PHACTR3: variants seen among roughly 807,000 people sequenced by gnomAD.
PHACTR3 encodes the protein phosphatase and actin regulator 3.
In PHACTR3, 16 loss-of-function variants were observed where a neutral mutation model predicts 66.8. The ratio of observed to expected loss-of-function variants is 0.24; its 90% CI spans 0.16 to 0.36. The LOEUF (loss-of-function observed/expected upper bound fraction) is 0.36. PHACTR3 is among the 10% of genes least tolerant of loss of function. The pLI, the probability that PHACTR3 is intolerant of heterozygous loss-of-function variation, is 1.00. For synonymous variants in PHACTR3, 323 were observed against 292.1 expected (o/e 1.11, Z -1.08); for missense variants, 647 against 719.9 (o/e 0.90, Z 1.16).
rs752672939 is a variant in PHACTR3 at position 59,774,505 on chromosome 20, G to T, written c.1174+15G>T. Reference sequence around the variant, plus strand: ...CATTATTTCTGGTGAGGAAAGGATGGCCCATTAAGTGTGGGGATCTCGGCC... The same window carrying T: ...CATTATTTCTGGTGAGGAAAGGATGTCCCATTAAGTGTGGGGATCTCGGCC... On this transcript the variant is annotated intron_variant, in intron 7 of 12. Transcript: ENST00000371015. 1.8e-5 allele frequency: 29 copies of T among 1,610,736 alleles called. No homozygotes were observed. Among genetic ancestry groups the T allele is most frequent in the African/African-American group, 2.7e-5 (2 of 74,744 alleles).
At chr20:59,695,943 G>A (rs2037281117) in intron 1 of PHACTR3, among the ~76,000 whole-genome samples, 1 of 152,044 alleles carries the variant, frequency 6.6e-6, no homozygotes, top group Admixed American at 6.6e-5. Context: ...ATGTTGGCCA[G>A]GCTGGTCTCA....
chr20:59,805,376 G>A (rs914235193), intron 7 of PHACTR3, among the ~76,000 whole-genome samples: 1 of 152,182 alleles, frequency 6.6e-6, no homozygotes, highest in African/African-American at 2.4e-5. Flanking sequence ...ATGGGCGGGT[G>A]GGGGAAAGGC....
At chr20:59,648,199 G>A (rs1201131756) in intron 1 of PHACTR3, among the ~76,000 whole-genome samples, 1 of 152,208 alleles carries the variant, frequency 6.6e-6, no homozygotes, top group African/African-American at 2.4e-5. Flanking sequence ...GTTCACCATT[G>A]CTTCTCGTCC....
At chr20:59,697,160 G>A (rs1331295689) in intron 1 of PHACTR3, among the ~76,000 whole-genome samples, 2 of 152,152 alleles carry the variant, frequency 1.3e-5, no homozygotes, top group Non-Finnish European at 2.9e-5. Context: ...GGCTCAGAAG[G>A]CTCAGAAGGT....
At chr20:59,746,302 G>C (rs1199343189) in intron 2 of PHACTR3, among the ~76,000 whole-genome samples, 1 of 152,202 alleles carries the variant, frequency 6.6e-6, no homozygotes, top group Non-Finnish European at 1.5e-5. Flanking sequence ...CCCCGCCCCA[G>C]GCCTGACTTA....
intron 7 of PHACTR3, among the ~76,000 whole-genome samples, chr20:59,791,836 A>G (rs1270391580): frequency 6.8e-6 from 1 of 147,826 alleles, no homozygotes; most frequent in Non-Finnish European, 1.5e-5. Context: ...TTATTTTTGC[A>G]AACAGGTGGT....
intron 1 of PHACTR3, among the ~76,000 whole-genome samples, chr20:59,696,074 C>T (rs571933561): frequency 8.5e-5 from 13 of 152,186 alleles, no homozygotes; most frequent in Non-Finnish European, 1.5e-4. Flanking sequence ...AGTTAATATC[C>T]TTAGCCCAGT....
rs2038785409 is a variant in PHACTR3, at chr20:59,732,100, C to CTA, written c.119-11004_119-11003dup. On this transcript the variant is annotated intron_variant, in intron 1 of 12. Transcript: ENST00000371015. ...TTCTTCCTGCAGAACTTCTCAGAGC[C>CTA]TATACTATGCTAATATGCACTGGGG... 2.6e-5 allele frequency among the ~76,000 whole-genome samples: 4 copies of CTA among 152,264 alleles called. No individual in the cohort carries two copies. In the South Asian group the frequency reaches 8.3e-4, roughly 32 times the overall value.
intron 1 of PHACTR3, among the ~76,000 whole-genome samples, chr20:59,592,738 A>T (rs1364822097): frequency 6.6e-6 from 1 of 152,224 alleles, no homozygotes; most frequent in Non-Finnish European, 1.5e-5. Flanking sequence ...GTAGAGTTGG[A>T]ATCACACAGT....
intron 7 of PHACTR3, among the ~76,000 whole-genome samples, chr20:59,805,509 G>A (rs1272624846): frequency 6.6e-6 from 1 of 152,198 alleles, no homozygotes; most frequent in Admixed American, 6.5e-5. Flanking sequence ...CTGAGGACCT[G>A]GGTCCAACCC....
At chr20:59,834,780 T>C (rs372885344) in intron 8 of PHACTR3, among the ~76,000 whole-genome samples, 4 of 152,342 alleles carry the variant, frequency 2.6e-5, no homozygotes, top group Admixed American at 6.5e-5. Flanking sequence ...CTCCACGGCA[T>C]TGACCACTCT....
At position 59,747,123 on chromosome 20, in the gene PHACTR3, C is replaced by G. The variant is rs552135274; in HGVS notation, c.281-635C>G. On this transcript the variant is annotated intron_variant, in intron 2 of 12. Transcript: ENST00000371015. ...GGCCGTCGCTCAAGAGTGTTTTGCT[C>G]CGGGAAGGGGAGGCAGAAAGGGCTA... is the stretch of plus-strand genomic sequence containing the variant. Among the ~76,000 whole-genome samples the G allele has an allele frequency of 1.7e-4, 26 of 152,252 alleles. No individual in the cohort carries two copies. In the South Asian group the frequency reaches 5.4e-3, roughly 32 times the overall value.
intron 1 of PHACTR3, among the ~76,000 whole-genome samples, chr20:59,580,766 C>T (rs1440890135): frequency 6.6e-6 from 1 of 152,190 alleles, no homozygotes; most frequent in African/African-American, 2.4e-5. Context: ...TCTGAAGACC[C>T]AGATTGGGTC....
At chr20:59,811,253 G>A (rs2041728219) in intron 8 of PHACTR3, among the ~76,000 whole-genome samples, 2 of 152,340 alleles carry the variant, frequency 1.3e-5, no homozygotes, top group African/African-American at 4.8e-5. Context: ...GTTTATCTTA[G>A]GCATGGCTTT....
chr20:59,584,517 GAGTGTGTGCATGCACA>G (rs1347365197), intron 1 of PHACTR3, among the ~76,000 whole-genome samples: 3 of 152,110 alleles, frequency 2.0e-5, no homozygotes, highest in African/African-American at 2.4e-5. Context: ...TTACATGCAT[GAGTGTGTGCATGCACA>G]AGTGTGTGCA....
intron 1 of PHACTR3, among the ~76,000 whole-genome samples, chr20:59,665,298 A>G (rs2035946595): frequency 6.6e-6 from 1 of 152,172 alleles, no homozygotes; most frequent in Non-Finnish European, 1.5e-5. Flanking sequence ...CTGCAGTTAA[A>G]TGCCCTGTGC....
rs574203803 is a variant in PHACTR3 at position 59,719,103 on chromosome 20, TC to T, written c.119-23999del. Among the ~76,000 whole-genome samples the T allele has an allele frequency of 3.3e-5, 5 of 152,296 alleles. No individual in the cohort carries two copies. The South Asian group carries it at 1.0e-3, about 32-fold the overall frequency. On this transcript the variant is annotated intron_variant, in intron 1 of 12. Transcript: ENST00000371015. ...CAGATGAATGAATTAAGAATGCACC[TC>T]CCCCGGGGCTGTCGGGCTGCTAAAC...
rs746393715 is a variant in PHACTR3 at position 59,774,365 on chromosome 20, A to C, written c.1049A>C (p.Glu350Ala). 9 of 1,614,176 alleles carry C rather than the reference A, an allele frequency of 5.6e-6. No homozygotes were observed. The Admixed American group carries it at 1.3e-4, about 24-fold the overall frequency. ...EEAWSFDGAL[E>A]NKRTAAKESE... ...GCTTGGAGCTTTGACGGGGCATTGGAGAACAAGCGAACTGCCGCTAAGGAA... is the reference window on the plus strand; with the variant it reads ...GCTTGGAGCTTTGACGGGGCATTGGCGAACAAGCGAACTGCCGCTAAGGAA... The change falls in exon 7 of 13, where the codon GAG (glutamate) becomes GCG (alanine). Residue 350 changes from glutamate to alanine, a missense_variant. Around this residue, in one of 2 missense-constraint regions of PHACTR3, gnomAD observed 577 missense variants for 571.1 expected, o/e 1.01. Coordinates refer to ENST00000371015, the MANE Select transcript of PHACTR3 (RefSeq NM_080672.5).
intron 1 of PHACTR3, among the ~76,000 whole-genome samples, chr20:59,647,020 C>T (rs566301325): frequency 6.6e-6 from 1 of 152,260 alleles, no homozygotes; most frequent in African/African-American, 2.4e-5. Flanking sequence ...TGCAGTCGGG[C>T]AGATCAGCTT....
Sources: gnomAD v4.1 joint callset for allele counts (sites outside exome capture counted in the v4.1 genomes callset) on GRCh38, gnomAD v4.1.1 for gene constraint, gnomAD v4.1.1 regional missense constraint, MANE v1.5 for transcripts, NCBI Gene and HGNC (gene_info 2026-07-23, HGNC 2026-07-21) for gene names.